Variants in CAMTA1 observed in about 807,000 individuals in gnomAD.
CAMTA1 encodes calmodulin-binding transcription activator 1.
A neutral mutation model predicts 170.9 loss-of-function variants in CAMTA1; 27 were observed. That is an observed-to-expected ratio of 0.16 (90% CI 0.12 to 0.22). The LOEUF (loss-of-function observed/expected upper bound fraction) is 0.22. Among genes scored for constraint, CAMTA1 ranks in the 10% least tolerant of loss-of-function variants. The pLI is 1.00. For missense variants in CAMTA1, 1,619 were observed against 2,217.2 expected (o/e 0.73, Z 5.42); for synonymous variants, 833 against 891.5 (o/e 0.93, Z 1.17).
At chr1:7,405,544 TA>T (rs2090225977) in intron 5 of CAMTA1, among the ~76,000 whole-genome samples, 1 of 58,112 alleles carries the variant, frequency 1.7e-5, no homozygotes, top group South Asian at 3.0e-4. Context: ...CTAATTTTTG[TA>T]TTTTTTTTTA....
At chr1:7,630,273 C>A (rs374668254) in intron 6 of CAMTA1, among the ~76,000 whole-genome samples, 1 of 152,144 alleles carries the variant, frequency 6.6e-6, no homozygotes, top group African/African-American at 2.4e-5. Flanking sequence ...CCCTCTGTCC[C>A]CTCTTGAGGT....
Position 7,173,741 on chromosome 1 carries a change from C to T in CAMTA1, c.303-75750C>T, listed in dbSNP as rs190385609. Among the ~76,000 whole-genome samples the T allele has an allele frequency of 1.3e-5, 2 of 151,842 alleles. No homozygotes were observed. The highest frequency in any genetic ancestry group is 1.9e-4 in the East Asian group (1 of 5,168). On this transcript the variant is annotated intron_variant, in intron 4 of 22. Coordinates refer to ENST00000303635, the MANE Select transcript of CAMTA1 (RefSeq NM_015215.4). This position sits in a 1 kb window ranked among gnomAD's most constrained non-coding sequence, Gnocchi z 5.4. ...TCTTTCTAGCCTTCTTTACATGGTC[C>T]CTGGCTTGACTGGGGGTTGGGAGGT... is the stretch of plus-strand genomic sequence containing the variant.
chr1:7,496,339 T>C (rs1449182771), intron 6 of CAMTA1, among the ~76,000 whole-genome samples: 2 of 152,186 alleles, frequency 1.3e-5, no homozygotes, highest in Non-Finnish European at 2.9e-5. Flanking sequence ...GGGCGTGGCC[T>C]GCAGACAGGG....
intron 3 of CAMTA1, among the ~76,000 whole-genome samples, chr1:6,837,249 C>T (rs1022244601): frequency 1.3e-5 from 2 of 152,156 alleles, no homozygotes; most frequent in African/African-American, 4.8e-5. Context: ...AGCCACCGTG[C>T]CTGGCAGGAG....
chr1:7,572,765 G>T (rs1180130057), intron 6 of CAMTA1, among the ~76,000 whole-genome samples: 1 of 152,140 alleles, frequency 6.6e-6, no homozygotes, highest in African/African-American at 2.4e-5. Flanking sequence ...AGGAATTTGG[G>T]GGAAGACACA....
intron 3 of CAMTA1, among the ~76,000 whole-genome samples, chr1:6,963,284 C>T (rs1325753232): frequency 7.2e-5 from 3 of 41,662 alleles, no homozygotes; most frequent in African/African-American, 2.1e-4. Context: ...CCCCCCCCCC[C>T]CCCGCTTTCC....
At chr1:7,283,190 A>C (rs983357711) in intron 5 of CAMTA1, among the ~76,000 whole-genome samples, 1 of 152,168 alleles carries the variant, frequency 6.6e-6, no homozygotes, top group African/African-American at 2.4e-5. Context: ...TCCAACCTCC[A>C]CCAAGATGCA....
At chr1:7,139,266 A>T (rs1645749202) in intron 4 of CAMTA1, among the ~76,000 whole-genome samples, 1 of 144,144 alleles carries the variant, frequency 6.9e-6, no homozygotes, top group Non-Finnish European at 1.5e-5. Flanking sequence ...AATTATATTC[A>T]TAATATAAAT....
chr1:6,947,566 A>G (rs1462148459), intron 3 of CAMTA1, among the ~76,000 whole-genome samples: 2 of 147,838 alleles, frequency 1.4e-5, no homozygotes, highest in South Asian at 2.2e-4. Flanking sequence ...TTTTTTGAGT[A>G]GAGATGGTGT....
intron 1 of CAMTA1, among the ~76,000 whole-genome samples, chr1:6,803,809 G>A (rs1022974496): frequency 6.6e-6 from 1 of 152,108 alleles, no homozygotes; most frequent in Non-Finnish European, 1.5e-5. Context: ...TGAATTCCTG[G>A]ACTCAAGTGA....
intron 4 of CAMTA1, among the ~76,000 whole-genome samples, chr1:7,123,198 C>T (rs1208491184): frequency 1.3e-5 from 2 of 152,136 alleles, no homozygotes; most frequent in Non-Finnish European, 2.9e-5. Flanking sequence ...GCCTGTTTCC[C>T]TCTTTGGCTT....
At chr1:7,036,669 T>A (rs1318892022) in intron 3 of CAMTA1, among the ~76,000 whole-genome samples, 1 of 152,246 alleles carries the variant, frequency 6.6e-6, no homozygotes, top group Middle Eastern at 3.2e-3. Flanking sequence ...TGGCTTGTTA[T>A]CTGAAGTTAC....
chr1:7,414,029 C>A (rs1382293204), intron 5 of CAMTA1, among the ~76,000 whole-genome samples: 1 of 152,090 alleles, frequency 6.6e-6, no homozygotes, highest in Non-Finnish European at 1.5e-5. Flanking sequence ...TGGTTTTTGT[C>A]TTTGGTTCTG....
chr1:6,956,676 G>A (rs981598741), intron 3 of CAMTA1, among the ~76,000 whole-genome samples: 7 of 152,148 alleles, frequency 4.6e-5, no homozygotes, highest in African/African-American at 1.4e-4. Context: ...TGGAGAGGGA[G>A]CACCAAGGAT....
At chr1:7,266,399 G>T (rs1287611568) in intron 5 of CAMTA1, among the ~76,000 whole-genome samples, 1 of 152,230 alleles carries the variant, frequency 6.6e-6, no homozygotes, top group Non-Finnish European at 1.5e-5. Context: ...TAAGACTTGG[G>T]AGTTAGAGAC....
intron 3 of CAMTA1, among the ~76,000 whole-genome samples, chr1:7,023,960 T>G (rs58536614): frequency 6.9e-6 from 1 of 145,754 alleles, no homozygotes; most frequent in South Asian, 2.2e-4. Flanking sequence ...TCTGGCGGGG[T>G]GGAGCTTGCA....
chr1:7,233,341 G>GC (rs1553280991), intron 4 of CAMTA1, among the ~76,000 whole-genome samples: 3 of 152,178 alleles, frequency 2.0e-5, no homozygotes, highest in Non-Finnish European at 4.4e-5. Context: ...TGGCATTGGA[G>GC]CAGGGCTCCC....
chr1:7,333,661 C>T lies in CAMTA1; in HGVS notation c.438+84035C>T, dbSNP rs989484039. Among the ~76,000 whole-genome samples the T allele has an allele frequency of 6.6e-6, 1 of 152,192 alleles. No homozygotes were observed. The highest frequency in any genetic ancestry group is 1.5e-5 in the Non-Finnish European group (1 of 68,038). Reference sequence around the variant, plus strand: ...TCTAGGGAGGCTGGGGTTACAGCCTCCGCCATGTTGCAGATTCTCCAATAA... The same window carrying T: ...TCTAGGGAGGCTGGGGTTACAGCCTTCGCCATGTTGCAGATTCTCCAATAA... On this transcript the variant is annotated intron_variant, in intron 5 of 22. Transcript: ENST00000303635. The surrounding 1 kb of genome is among the most constrained non-coding windows in gnomAD (Gnocchi z 4.4).
intron 4 of CAMTA1, among the ~76,000 whole-genome samples, chr1:7,131,219 C>T (rs1173531664): frequency 6.6e-6 from 1 of 152,080 alleles, no homozygotes; most frequent in East Asian, 1.9e-4. Context: ...CCCAAAGTGC[C>T]AGGATTACAG....
Sources: allele counts gnomAD v4.1 joint callset (sites outside exome capture counted in the v4.1 genomes callset), GRCh38; gene constraint gnomAD v4.1.1; non-coding constraint Gnocchi (gnomAD v3.1); transcripts MANE v1.5; gene names NCBI Gene and HGNC (gene_info 2026-07-23, HGNC 2026-07-21).